PDE4D: variants seen among roughly 807,000 people sequenced by gnomAD.
PDE4D encodes phosphodiesterase 4D, also known as 3',5'-cyclic-AMP phosphodiesterase 4D.
A neutral mutation model predicts 87.4 loss-of-function variants in PDE4D; 24 were observed. The observed-to-expected ratio is 0.27, with a 90% CI of 0.20 to 0.39. PDE4D has a LOEUF of 0.39. Among genes scored for constraint, PDE4D ranks in the 10% least tolerant of loss-of-function variants. The pLI is 1.00. For synonymous variants in PDE4D, 384 were observed against 383.2 expected (o/e 1.00, Z -0.02); for missense variants, 714 against 1,041.0 (o/e 0.69, Z 4.32).
chr5:59,820,965 C>T (rs1286761919), intron 1 of PDE4D, among the ~76,000 whole-genome samples: 1 of 152,138 alleles, frequency 6.6e-6, no homozygotes, highest in African/African-American at 2.4e-5. Flanking sequence ...GGCACATTGG[C>T]TCACACCTGT....
At position 59,693,131 on chromosome 5, in the gene PDE4D, G is replaced by A. The variant is rs1311531158; in HGVS notation, c.455+200037C>T. On this transcript the variant is annotated intron_variant, in intron 1 of 14. Coordinates refer to ENST00000340635, the MANE Select transcript of PDE4D (RefSeq NM_001104631.2). ...ATGTAAATATACTCTAGAAGACCCT[G>A]AAATTGTATATGTTTTCAAGTTTTG... 3.5e-5 allele frequency among the ~76,000 whole-genome samples: 5 copies of A among 144,458 alleles called. No individual in the cohort carries two copies. In the East Asian group the frequency reaches 9.9e-4, roughly 29 times the overall value. The allele number at this position is 144,458 out of a possible 152,430, so 94.8% of individuals were successfully genotyped here.
chr5:60,404,245 A>G (rs1414263537), intron 1 of PDE4D, among the ~76,000 whole-genome samples: 1 of 149,720 alleles, frequency 6.7e-6, no homozygotes, highest in African/African-American at 2.5e-5. Flanking sequence ...ACTAGTACAC[A>G]ATTAGTGGGT....
Position 59,793,314 on chromosome 5 carries a change from G to A in PDE4D, c.455+99854C>T, listed in dbSNP as rs61332617. On this transcript the variant is annotated intron_variant, in intron 1 of 14. Transcript: ENST00000340635. Reference sequence around the variant, plus strand: ...TGTGCCTTAAGGGAAGCTTGCAAACGGTGGCCAAGCACCTAGAGAGAGAAC... The same window carrying A: ...TGTGCCTTAAGGGAAGCTTGCAAACAGTGGCCAAGCACCTAGAGAGAGAAC... Among the ~76,000 whole-genome samples, 1,242 of 152,276 alleles carry A rather than the reference G, an allele frequency of 8.2e-3. 9 individuals carry two copies. The highest frequency in any genetic ancestry group is 0.028 in the African/African-American group (1,179 of 41,530).
intron 3 of PDE4D, among the ~76,000 whole-genome samples, chr5:59,188,746 A>G (rs745590130): frequency 6.6e-6 from 1 of 152,148 alleles, no homozygotes; most frequent in Non-Finnish European, 1.5e-5. Context: ...AGTTATGCTT[A>G]TTTACAAAAT....
intron 1 of PDE4D, among the ~76,000 whole-genome samples, chr5:59,741,555 C>T (rs141590972): frequency 6.6e-6 from 1 of 151,964 alleles, no homozygotes; most frequent in Non-Finnish European, 1.5e-5. Context: ...ATAAAGTTGC[C>T]GTATATTTAT....
intron 1 of PDE4D, chr5:59,356,907 TG>T: frequency 6.8e-7 from 1 of 1,471,268 alleles, no homozygotes; most frequent in Non-Finnish European, 8.9e-7. Flanking sequence ...TGCGGGGCTC[TG>T]GGGCCCTGAG....
intron 1 of PDE4D, among the ~76,000 whole-genome samples, chr5:59,299,949 A>G (rs1442109689): frequency 6.6e-6 from 1 of 152,110 alleles, no homozygotes; most frequent in Non-Finnish European, 1.5e-5. Flanking sequence ...GTCTCTACAA[A>G]AAATACAAAA....
intron 1 of PDE4D, among the ~76,000 whole-genome samples, chr5:59,315,514 G>A (rs560829799): frequency 6.6e-6 from 1 of 152,234 alleles, no homozygotes; most frequent in South Asian, 2.1e-4. Flanking sequence ...AGCAGGGCAG[G>A]ATAGGGCCCC....
At chr5:59,683,721 T>A (rs868310297) in intron 1 of PDE4D, among the ~76,000 whole-genome samples, 1 of 152,252 alleles carries the variant, frequency 6.6e-6, no homozygotes, top group African/African-American at 2.4e-5. Flanking sequence ...TCTTCTTTTA[T>A]CAAAATGTGA....
intron 1 of PDE4D, among the ~76,000 whole-genome samples, chr5:59,720,466 A>C (rs1164132512): frequency 6.6e-6 from 1 of 152,162 alleles, no homozygotes; most frequent in Non-Finnish European, 1.5e-5. Flanking sequence ...TTTCAACTAC[A>C]GAATAAGAGT....
chr5:59,364,216 A>G lies in PDE4D; in HGVS notation c.456-148248T>C, dbSNP rs552612063. Among the ~76,000 whole-genome samples, 24 of 152,344 alleles carry G rather than the reference A, an allele frequency of 1.6e-4. 1 individual carries two copies. Among genetic ancestry groups the G allele is most frequent in the Admixed American group, 3.9e-4 (6 of 15,302 alleles). ...CAATTAGGCTATTATTAATAAGACA[A>G]TTGGACTGGTTCTGGTTTTTGCTTT... is the stretch of plus-strand genomic sequence containing the variant. On this transcript the variant is annotated intron_variant, in intron 1 of 14. Transcript: ENST00000340635.
At chr5:60,113,929 C>T (rs1043356195) in intron 2 of PDE4D, among the ~76,000 whole-genome samples, 11 of 152,098 alleles carry the variant, frequency 7.2e-5, no homozygotes. Flanking sequence ...TAGTTCAACT[C>T]CAAAGATATG....
At chr5:60,482,382 G>T (rs1179688505) in intron 1 of PDE4D, among the ~76,000 whole-genome samples, 4 of 152,112 alleles carry the variant, frequency 2.6e-5, no homozygotes, top group African/African-American at 9.7e-5. Flanking sequence ...ACAGCAGCCT[G>T]AACTAAGACA....
At chr5:60,370,794 C>T (rs6860277) in intron 1 of PDE4D, among the ~76,000 whole-genome samples, 42,347 of 151,502 alleles carry the variant, frequency 0.28, 8,924 homozygotes, top group African/African-American at 0.6. Flanking sequence ...TGCATGCCCA[C>T]TTGTGTGTAA....
intron 1 of PDE4D, among the ~76,000 whole-genome samples, chr5:59,229,100 A>T (rs1754545597): frequency 6.6e-6 from 1 of 151,520 alleles, no homozygotes; most frequent in Non-Finnish European, 1.5e-5. Context: ...TTATTTTATC[A>T]TCTTACTCAC....
chr5:59,772,125 A>C (rs879621958), intron 1 of PDE4D, among the ~76,000 whole-genome samples: 37 of 152,220 alleles, frequency 2.4e-4, no homozygotes, highest in Non-Finnish European at 4.4e-4. Context: ...GTCATGCTTG[A>C]AAATTGCTGC....
At chr5:59,421,016 G>C (rs1165381737) in intron 1 of PDE4D, among the ~76,000 whole-genome samples, 1 of 152,096 alleles carries the variant, frequency 6.6e-6, no homozygotes, top group Non-Finnish European at 1.5e-5. Context: ...TCTAACTTTT[G>C]CCTGAATTAA....
chr5:59,692,915 G>A (rs183960256), intron 1 of PDE4D, among the ~76,000 whole-genome samples: 4 of 152,138 alleles, frequency 2.6e-5, no homozygotes, highest in Admixed American at 2.6e-4. Context: ...AAAGTTATGA[G>A]GCTAAAGTAT....
At chr5:60,077,294 A>G (rs1036220957) in intron 2 of PDE4D, among the ~76,000 whole-genome samples, 1 of 152,212 alleles carries the variant, frequency 6.6e-6, no homozygotes, top group Non-Finnish European at 1.5e-5. Flanking sequence ...TAAGGAAGGC[A>G]AAGTCTGCCC....
Sources: allele counts gnomAD v4.1 joint callset (sites outside exome capture counted in the v4.1 genomes callset), GRCh38; gene constraint gnomAD v4.1.1; transcripts MANE v1.5; gene names NCBI Gene and HGNC (gene_info 2026-07-23, HGNC 2026-07-21).